The following HOMER2 variants were observed in gnomAD, a reference collection of about 807,000 sequenced individuals.
The protein encoded by HOMER2 is homer protein homolog 2.
In HOMER2, 27 loss-of-function variants were observed where a neutral mutation model predicts 47.0. That is an observed-to-expected ratio of 0.57 (90% CI 0.42 to 0.79). The LOEUF (loss-of-function observed/expected upper bound fraction) is 0.79, where lower values mean the gene tolerates loss of function less well. HOMER2 is among the 30% of genes least tolerant of loss of function. The pLI, the probability that HOMER2 is intolerant of heterozygous loss-of-function variation, is 0.00. For synonymous variants in HOMER2, 161 were observed against 163.8 expected (o/e 0.98, Z 0.13); for missense variants, 443 against 435.0 (o/e 1.02, Z -0.16).
At chr15:82,951,692 T>A (rs909084376) in intron 1 of HOMER2, among the ~76,000 whole-genome samples, 15 of 152,226 alleles carry the variant, frequency 9.9e-5, no homozygotes, top group Admixed American at 5.2e-4. Flanking sequence ...GCTACACAAA[T>A]GCTCATCAAC....
At chr15:82,937,521 T>C (rs951889246) in intron 1 of HOMER2, among the ~76,000 whole-genome samples, 1 of 152,062 alleles carries the variant, frequency 6.6e-6, no homozygotes, top group Non-Finnish European at 1.5e-5. Context: ...TTAATGTTCG[T>C]TCCCTCCAAG....
rs557089777 is a variant in HOMER2, at chr15:82,840,343, A to G, written c.*6931T>C. On this transcript the variant is annotated 3_prime_UTR_variant, in exon 2 of 2. Coordinates refer to the HOMER2 transcript ENST00000558090. ...GATCAATGAAACAGAGTAATTCTGG[A>G]AAAACCAATGAGAACAAAAAGGGAA... 1.2e-4 allele frequency: 19 copies of G among 152,350 alleles called. No individual in the cohort carries two copies. The East Asian group carries it at 3.5e-3, about 28-fold the overall frequency. The allele number at this position is 152,350 out of a possible 1,614,324, so 9.4% of individuals were successfully genotyped here.
Position 82,869,750 on chromosome 15 carries a change from G to A in HOMER2, c.295-5491C>T, listed in dbSNP as rs1162038446. On this transcript the variant is annotated intron_variant, in intron 3 of 8. Transcript: ENST00000450735. ...TCCGATTACAGGCATGAGCCATCAC[G>A]CCCAGCCTCTATTACACATCTTGAT... is the stretch of plus-strand genomic sequence containing the variant. Among the ~76,000 whole-genome samples the A allele has an allele frequency of 3.9e-5, 6 of 152,186 alleles. No homozygotes were observed. The South Asian group carries it at 1.0e-3, about 26-fold the overall frequency.
chr15:82,978,458 T>G (rs1003677857), intron 1 of HOMER2, among the ~76,000 whole-genome samples: 2 of 152,138 alleles, frequency 1.3e-5, no homozygotes, highest in African/African-American at 4.8e-5. Context: ...GTTTACCAGG[T>G]AGACCAGAGT....
At chr15:82,841,786 A>T (rs766941471) in exon 2 of HOMER2, 1 of 152,232 alleles carries the variant, frequency 6.6e-6, no homozygotes, top group Non-Finnish European at 1.5e-5. Context: ...GCCAAGTTAA[A>T]CTATTATACA....
intron 1 of HOMER2, among the ~76,000 whole-genome samples, chr15:82,936,015 C>T (rs184799856): frequency 1.3e-5 from 2 of 152,218 alleles, no homozygotes; most frequent in Non-Finnish European, 2.9e-5. Context: ...CCAGTCCATG[C>T]CTCAGCTCAA....
chr15:82,857,125 G>C (rs2051611574), intron 5 of HOMER2, among the ~76,000 whole-genome samples: 1 of 152,108 alleles, frequency 6.6e-6, no homozygotes, highest in Non-Finnish European at 1.5e-5. Context: ...CGGGTGTTGA[G>C]AGGTAACTAG....
upstream of HOMER2, chr15:82,952,818 CG>C (rs1374123164): frequency 1.6e-6 from 1 of 610,956 alleles, no homozygotes; most frequent in Non-Finnish European, 2.0e-6. Context: ...TCGTGGCCCC[CG>C]GGCCGCGGCA....
At chr15:82,945,037 T>C (rs1428008680) in intron 1 of HOMER2, among the ~76,000 whole-genome samples, 2 of 152,028 alleles carry the variant, frequency 1.3e-5, no homozygotes, top group African/African-American at 2.4e-5. Context: ...CAACCAACCT[T>C]AGCAACAACG....
chr15:82,876,818 A>C (rs1216283996), intron 2 of HOMER2, among the ~76,000 whole-genome samples: 1 of 152,166 alleles, frequency 6.6e-6, no homozygotes, highest in Admixed American at 6.5e-5. Context: ...ACCTGAGTCT[A>C]CTCTTTTGCT....
intron 1 of HOMER2, among the ~76,000 whole-genome samples, chr15:82,916,650 C>T (rs869498): frequency 0.13 from 19,055 of 151,994 alleles, 1,488 homozygotes; most frequent in East Asian, 0.42. Flanking sequence ...CCAGGGTCGG[C>T]AGAGGGGGAG....
Position 82,929,777 on chromosome 15 carries a change from C to T in HOMER2, c.5+22754G>A, listed in dbSNP as rs186272527. Among the ~76,000 whole-genome samples the T allele has an allele frequency of 5.9e-5, 9 of 151,320 alleles. No individual in the cohort carries two copies. In the East Asian group the frequency reaches 1.8e-3, roughly 30 times the overall value. On this transcript the variant is annotated intron_variant, in intron 1 of 8. Coordinates refer to ENST00000450735, the MANE Select transcript of HOMER2 (RefSeq NM_004839.4). ...CGGAGTTTCGCTCTTGTTGCCCAGG[C>T]TGAAGTGTAGGGGCAGGATCTTGGC...
chr15:82,861,827 G>A (rs935037597), intron 4 of HOMER2, among the ~76,000 whole-genome samples: 3 of 152,114 alleles, frequency 2.0e-5, no homozygotes, highest in African/African-American at 7.2e-5. Context: ...AGCCAACATG[G>A]TGAAACCACA....
intron 1 of HOMER2, among the ~76,000 whole-genome samples, chr15:82,943,839 G>A (rs1305159656): frequency 2.0e-5 from 3 of 152,214 alleles, no homozygotes; most frequent in Non-Finnish European, 2.9e-5. Context: ...CTGCATAGCT[G>A]GGACCCGCCC....
At chr15:82,889,257 A>G (rs1302688845) in intron 2 of HOMER2, among the ~76,000 whole-genome samples, 2 of 152,190 alleles carry the variant, frequency 1.3e-5, no homozygotes, top group Admixed American at 6.5e-5. Context: ...GTAGAACACA[A>G]TGAGGACATC....
intron 6 of HOMER2, among the ~76,000 whole-genome samples, chr15:82,853,277 T>C (rs2151604702): frequency 6.6e-6 from 1 of 152,336 alleles, no homozygotes; most frequent in South Asian, 2.1e-4. Context: ...GCACTGCTGC[T>C]GGCTATCAGA....
chr15:82,894,303 A>C (rs1352451629), intron 1 of HOMER2, among the ~76,000 whole-genome samples: 3 of 152,246 alleles, frequency 2.0e-5, no homozygotes, highest in Non-Finnish European at 4.4e-5. Context: ...AAAGTAATGC[A>C]AAATGGCACA....
At chr15:82,867,813 G>A (rs2052023958) in intron 3 of HOMER2, among the ~76,000 whole-genome samples, 2 of 152,028 alleles carry the variant, frequency 1.3e-5, no homozygotes, top group Admixed American at 1.3e-4. Flanking sequence ...AATATGGGGG[G>A]AAAAAAGGCC....
At chr15:82,861,025 AAAAG>A (rs2151627383) in intron 4 of HOMER2, among the ~76,000 whole-genome samples, 1 of 148,880 alleles carries the variant, frequency 6.7e-6, no homozygotes, top group African/African-American at 2.5e-5. Flanking sequence ...ACAAAAGAAA[AAAAG>A]AGAAGAGAAA....
Sources: gnomAD v4.1 joint callset for allele counts (sites outside exome capture counted in the v4.1 genomes callset) on GRCh38, gnomAD v4.1.1 for gene constraint, MANE v1.5 for transcripts, NCBI Gene and HGNC (gene_info 2026-07-23, HGNC 2026-07-21) for gene names.